The following PRDM4 variants were observed in gnomAD, a reference collection of about 807,000 sequenced individuals.
The protein encoded by PRDM4 is PR/SET domain 4.
A neutral mutation model predicts 62.3 loss-of-function variants in PRDM4; 38 were observed. That is an observed-to-expected ratio of 0.61 (90% CI 0.47 to 0.80). PRDM4 has a LOEUF of 0.80. PRDM4 is among the 30% of genes least tolerant of loss of function. The probability of loss-of-function intolerance (pLI) is 0.00; values close to 1 mark genes in which losing one functional copy is unlikely to be tolerated. For synonymous variants in PRDM4, 339 were observed against 348.2 expected (o/e 0.97, Z 0.30); for missense variants, 858 against 997.1 (o/e 0.86, Z 1.88).
intron 1 of PRDM4, 45 bp downstream of exon 1, chr12:107,760,912 C>CCGCCG (rs1251528791): frequency 6.7e-6 from 1 of 148,176 alleles, no homozygotes; most frequent in East Asian, 2.0e-4. Flanking sequence ...GCAGGCCGGG[C>CCGCCG]CGCCGCGCCC....
intron 11 of PRDM4, among the ~76,000 whole-genome samples, chr12:107,738,668 C>G (rs553735093): frequency 9.7e-4 from 147 of 152,254 alleles, no homozygotes; most frequent in Middle Eastern, 3.4e-3. Flanking sequence ...AATTGGTCTT[C>G]CAATATTTAG....
chr12:107,751,795 A>G lies in PRDM4; in HGVS notation c.746T>C (p.Val249Ala). Reference protein sequence around the residue: ...SVSNNLAADAVGHGGVIPMHG... With the variant: ...SVSNNLAADAAGHGGVIPMHG... ...CATGGGTATCACACCACCATGTCCT[A>G]CAGCGTCTGCTGCAAGGTTGTTGCT... Residue 249 changes from valine to alanine, a missense_variant, in exon 5 of 12, where the codon GTA (valine) becomes GCA (alanine). Transcript: ENST00000228437. 6.2e-7 allele frequency: 1 copy of G among 1,614,214 alleles called. No homozygotes were observed. The highest frequency in any genetic ancestry group is 8.5e-7 in the Non-Finnish European group (1 of 1,180,040).
chr12:107,750,691 G>C lies in PRDM4; in HGVS notation c.1126+724C>G, dbSNP rs76603697. Among the ~76,000 whole-genome samples the C allele has an allele frequency of 1.5e-3, 227 of 152,120 alleles. 2 individuals carry two copies. Among genetic ancestry groups the C allele is most frequent in the Admixed American group, 6.6e-3 (101 of 15,282 alleles). ...GAATAATAATTTATATGCACTCTGA[G>C]CAAAGAAAAAAATTGGTTTATATCC... On this transcript the variant is annotated intron_variant, in intron 5 of 11. Coordinates refer to ENST00000228437, the MANE Select transcript of PRDM4 (RefSeq NM_012406.4).
intron 4 of PRDM4, among the ~76,000 whole-genome samples, chr12:107,753,386 A>G (rs1360962911): frequency 6.7e-6 from 1 of 149,078 alleles, no homozygotes; most frequent in Non-Finnish European, 1.5e-5. Flanking sequence ...AAAAAAAAAA[A>G]AAAGAAAAGA....
intron 5 of PRDM4, among the ~76,000 whole-genome samples, chr12:107,747,857 G>A (rs542236307): frequency 1.6e-4 from 24 of 151,988 alleles, no homozygotes; most frequent in Non-Finnish European, 1.8e-4. Context: ...GTGCAGTGGC[G>A]TTCCTGCTTC....
chr12:107,756,174 C>A (rs1312651782), intron 3 of PRDM4, among the ~76,000 whole-genome samples: 1 of 149,734 alleles, frequency 6.7e-6, no homozygotes, highest in East Asian at 2.0e-4. Flanking sequence ...GCAGGAGAAT[C>A]ACTTGAACCC....
intron 2 of PRDM4, among the ~76,000 whole-genome samples, chr12:107,759,144 G>A (rs1215820526): frequency 3.3e-5 from 5 of 152,044 alleles, no homozygotes; most frequent in Non-Finnish European, 5.9e-5. Context: ...ATGGTGGTTC[G>A]TGCTTGTGGT....
In PRDM4 at chr12:107,760,971, G is replaced by A. The variant is rs1273267036; in HGVS notation, c.-271C>T. 6.7e-6 allele frequency: 1 copy of A among 148,770 alleles called. No homozygotes were observed. Among genetic ancestry groups the A allele is most frequent in the Admixed American group, 6.7e-5 (1 of 14,972 alleles). The allele number at this position is 148,770 out of a possible 1,614,324, so 9.2% of individuals were successfully genotyped here. A position where few individuals can be genotyped will look rare whatever the true frequency, so the allele number is the denominator to read the frequency against. On this transcript the variant is annotated 5_prime_UTR_variant, in exon 1 of 12. Coordinates refer to ENST00000228437, the MANE Select transcript of PRDM4 (RefSeq NM_012406.4). ...GCGCAGCCCACCTGCCAGCTGCGCT[G>A]GGGGCGCACGCGCCTGCCCCACTGC...
chr12:107,738,918 C>T (rs1890426545), intron 11 of PRDM4, among the ~76,000 whole-genome samples: 1 of 148,786 alleles, frequency 6.7e-6, no homozygotes, highest in African/African-American at 2.5e-5. Flanking sequence ...CACACACCAA[C>T]AGAACAGTTC....
chr12:107,746,238 G>A (rs1486196885), intron 6 of PRDM4, 37 bp downstream of exon 6: 2 of 1,604,738 alleles, frequency 1.2e-6, no homozygotes, highest in Non-Finnish European at 1.7e-6. Context: ...AAAGGAAGAA[G>A]AGATGTAATA....
In PRDM4 at chr12:107,760,599, A is replaced by G; in HGVS notation, c.-84T>C. On this transcript the variant is annotated 5_prime_UTR_variant, in exon 2 of 12. It removes the in-frame stop codon of an upstream open reading frame in the 5' UTR. Coordinates refer to ENST00000228437, the MANE Select transcript of PRDM4 (RefSeq NM_012406.4). ...GGTTTGCGTTCCAGGGTCACGTGCT[A>G]CCACATCTTGCTCACAACCGCTGCA... The G allele has an allele frequency of 6.5e-7, 1 of 1,547,606 alleles. No homozygotes were observed. The highest frequency in any genetic ancestry group is 8.8e-7 in the Non-Finnish European group (1 of 1,133,820).
intron 11 of PRDM4, chr12:107,738,555 G>T (rs967392563): frequency 2.6e-5 from 4 of 152,176 alleles, no homozygotes; most frequent in African/African-American, 9.7e-5. Context: ...TCTGACACTT[G>T]TTAAAAGCTA....
intron 7 of PRDM4, among the ~76,000 whole-genome samples, chr12:107,743,509 G>A (rs1209055245): frequency 6.6e-6 from 1 of 152,166 alleles, no homozygotes; most frequent in Non-Finnish European, 1.5e-5. Context: ...TCAGTGAAGA[G>A]ACTGACTTTG....
chr12:107,752,352 T>A (rs550572060), intron 4 of PRDM4, 143 bp from the exon 5 acceptor site: 3 of 685,400 alleles, frequency 4.4e-6, no homozygotes, highest in Non-Finnish European at 7.2e-6. Flanking sequence ...CACTATTTTA[T>A]AAATAGCAAC....
chr12:107,740,050 C>G (rs996427632), intron 10 of PRDM4, among the ~76,000 whole-genome samples: 2 of 152,124 alleles, frequency 1.3e-5, no homozygotes, highest in African/African-American at 4.8e-5. Context: ...CAAACCTTCT[C>G]TTAAAGGATA....
intron 5 of PRDM4, among the ~76,000 whole-genome samples, chr12:107,746,930 AT>A (rs903563426): frequency 1.3e-5 from 2 of 151,996 alleles, no homozygotes; most frequent in African/African-American, 4.8e-5. Context: ...GTAAGATCTG[AT>A]TTTTTTTCTT....
chr12:107,740,885 T>C, intron 10 of PRDM4, 61 bp downstream of exon 10: 28 of 1,521,724 alleles, frequency 1.8e-5, no homozygotes, highest in Non-Finnish European at 2.4e-5. Context: ...CTACAAAGCC[T>C]TTACTACCGC....
chr12:107,742,371 T>C, intron 8 of PRDM4, 23 bp from the exon 9 acceptor site: 1 of 1,611,888 alleles, frequency 6.2e-7, no homozygotes, highest in Non-Finnish European at 8.5e-7. Context: ...ATTTAATAGA[T>C]CAAGCACATT....
At position 107,734,099 on chromosome 12, in the gene PRDM4, G is replaced by T; in HGVS notation, c.*111C>A. 1 of 1,132,682 alleles carries T rather than the reference G, an allele frequency of 8.8e-7. No individual in the cohort carries two copies. Among genetic ancestry groups the T allele is most frequent in the East Asian group, 2.4e-5 (1 of 40,830 alleles). The allele number at this position is 1,132,682 out of a possible 1,614,324, so 70.2% of individuals were successfully genotyped here. ...TCATTCCCAGTCTGTTTTGATTACT[G>T]GCTGAAAATAAATCAGGAACCATTT... On this transcript the variant is annotated 3_prime_UTR_variant, in exon 12 of 12. Coordinates refer to ENST00000228437, the MANE Select transcript of PRDM4 (RefSeq NM_012406.4).
Sources: allele counts gnomAD v4.1 joint callset (sites outside exome capture counted in the v4.1 genomes callset), GRCh38; gene constraint gnomAD v4.1.1; transcripts MANE v1.5; gene names NCBI Gene and HGNC (gene_info 2026-07-23, HGNC 2026-07-21).